Variants in ZNF789 observed in about 807,000 individuals in gnomAD.
ZNF789 encodes the protein zinc finger protein 789.
ZNF789 carries 11 observed loss-of-function variants against 15.6 expected under a neutral mutation model. The observed-to-expected ratio is 0.70, with a 90% confidence interval of 0.44 to 1.16. ZNF789 has a LOEUF of 1.16. Ranked by LOEUF, ZNF789 falls within the 50% of genes most tolerant of loss-of-function variation. ZNF789 has a pLI of 0.00. For synonymous variants in ZNF789, 159 were observed against 176.0 expected, an observed-to-expected ratio of 0.90 and a Z score of 0.76; for missense variants, 461 against 512.6, an observed-to-expected ratio of 0.90 and a Z score of 0.97.
At chr7:99,480,012 T>C (rs766082505) in intron 3 of ZNF789, 6 of 530,590 alleles carry the variant, frequency 1.1e-5, no homozygotes, top group African/African-American at 2.0e-5. Flanking sequence ...GGTGTGCATA[T>C]CTGTATACCC....
chr7:99,486,830 G>T lies in ZNF789; in HGVS notation c.620G>T (p.Gly207Val), dbSNP rs777414066. 1.9e-6 allele frequency: 3 copies of T among 1,614,196 alleles called. No homozygotes were observed. The Admixed American group carries it at 5.0e-5, about 27-fold the overall frequency. ...RAKSYECSEC[G>V]KVIRRKAWFD... ...AAGTCTTATGAATGCAGTGAATGTG[G>T]AAAAGTCATTAGGCGTAAGGCATGG... The change falls in exon 5 of 5, where the codon GGA becomes GTA. Residue 207 changes from glycine (G) to valine (V), a missense_variant. Physicochemically the swap from Gly to Val is moderately radical, Grantham distance 109. Transcript: ENST00000331410.
chr7:99,480,935 T>A (rs2151062280), intron 3 of ZNF789: 1 of 152,388 alleles, frequency 6.6e-6, no homozygotes, highest in East Asian at 1.9e-4. Flanking sequence ...TTTATAATTT[T>A]AATTTTCCCT....
chr7:99,483,932 C>T, intron 3 of ZNF789, 98 bp from the exon 4 acceptor site: 1 of 944,902 alleles, frequency 1.1e-6, no homozygotes, highest in South Asian at 1.3e-5. Context: ...CTCACCACCG[C>T]TTTTGATTAT....
chr7:99,474,462 C>T (rs1471579308), intron 1 of ZNF789, among the ~76,000 whole-genome samples: 3 of 151,822 alleles, frequency 2.0e-5, no homozygotes, highest in Admixed American at 6.6e-5. Context: ...GGCGTGGTGG[C>T]GGGCGCCTGT....
At position 99,484,448 on chromosome 7, in the gene ZNF789, C is replaced by T. The variant is rs141885177; in HGVS notation, c.265+305C>T. Among the ~76,000 whole-genome samples the T allele has an allele frequency of 4.4e-3, 670 of 152,230 alleles. 2 individuals are homozygous for T. Among genetic ancestry groups the T allele is most frequent in the African/African-American group, 0.015 (638 of 41,536 alleles). On this transcript the variant is annotated intron_variant, in intron 4 of 4. Coordinates refer to ENST00000331410, the MANE Select transcript of ZNF789 (RefSeq NM_213603.3). ...CAGCCTGGCCAACATGGTGAAACCCCGTCTCTACTGAAAATATAAAAATTA... is the reference window on the plus strand; with the variant it reads ...CAGCCTGGCCAACATGGTGAAACCCTGTCTCTACTGAAAATATAAAAATTA...
At chr7:99,484,758 ATC>A (rs1387053620) in intron 4 of ZNF789, among the ~76,000 whole-genome samples, 1 of 151,786 alleles carries the variant, frequency 6.6e-6, no homozygotes, top group East Asian at 1.9e-4. Flanking sequence ...GTGAAACCCC[ATC>A]TCTACAAAAA....
intron 2 of ZNF789, chr7:99,478,140 C>T (rs2151056337): frequency 2.2e-6 from 1 of 450,616 alleles, no homozygotes; most frequent in Non-Finnish European, 3.7e-6. Context: ...TATTCAAGGA[C>T]CTGCTGCTGT....
intron 4 of ZNF789, among the ~76,000 whole-genome samples, chr7:99,485,988 G>C (rs187154971): frequency 2.6e-5 from 4 of 152,262 alleles, no homozygotes; most frequent in Admixed American, 2.0e-4. Flanking sequence ...GGTGCCGAGA[G>C]CTGTTTTTGT....
intron 1 of ZNF789, chr7:99,476,153 T>G: frequency 2.7e-6 from 1 of 373,888 alleles, no homozygotes; most frequent in South Asian, 3.2e-5. Context: ...GTATATGAGG[T>G]GCAGAGTATG....
At chr7:99,484,500 A>G (rs2151069477) in intron 4 of ZNF789, among the ~76,000 whole-genome samples, 1 of 152,234 alleles carries the variant, frequency 6.6e-6, no homozygotes, top group Non-Finnish European at 1.5e-5. Context: ...TGTGCCTGTA[A>G]TCCCAGCTAC....
intron 4 of ZNF789, chr7:99,485,192 C>T (rs1280159569): frequency 6.5e-7 from 1 of 1,535,876 alleles, no homozygotes; most frequent in African/African-American, 1.4e-5. Flanking sequence ...TTTCTACTTA[C>T]TGTGTCCCGA....
rs769478005 is a variant in ZNF789 at position 99,486,671 on chromosome 7, T to A, written c.461T>A (p.Phe154Tyr). ...PTSGDEYSRG[F>Y]LQNLNLIQDQ... The stretch of plus-strand genomic sequence containing the variant: ...AGTGGTGATGAATACAGCAGGGGCT[T>A]CCTTCAAAACCTTAACCTTATTCAA... Residue 154 changes from phenylalanine (F) to tyrosine (Y), a missense_variant, in exon 5 of 5, where the codon TTC becomes TAC. Coordinates refer to ENST00000331410, the MANE Select transcript of ZNF789 (RefSeq NM_213603.3). 1.2e-6 allele frequency: 2 copies of A among 1,614,202 alleles called. No homozygotes were observed. The highest frequency in any genetic ancestry group is 1.7e-6 in the Non-Finnish European group (2 of 1,180,038).
intron 3 of ZNF789, chr7:99,483,617 C>CT: frequency 1.4e-6 from 1 of 705,496 alleles, no homozygotes; most frequent in South Asian, 1.5e-5. Flanking sequence ...GAGCAAGACT[C>CT]TGTCTCAAAA....
Position 99,481,463 on chromosome 7 carries a change from CT to C in ZNF789, c.151+1687del, listed in dbSNP as rs899232215. On this transcript the variant is annotated intron_variant, in intron 3 of 4. Transcript: ENST00000331410. ...CCAATAGTAACATTTTAGAGTGCTT[CT>C]TTTTTTTTTTGAGACAGAGTTTCGC... is the stretch of plus-strand genomic sequence containing the variant. 4.5e-3 allele frequency: 659 copies of C among 146,940 alleles called. 11 individuals are homozygous for C. The highest frequency in any genetic ancestry group is 0.013 in the African/African-American group (520 of 40,350). 9.1% of individuals were successfully genotyped at this position (146,940 alleles called of 1,614,324 possible).
Position 99,487,144 on chromosome 7 carries a change from C to T in ZNF789, c.934C>T (p.Arg312Cys), listed in dbSNP as rs751182610. 1.1e-5 allele frequency: 18 copies of T among 1,614,138 alleles called. No homozygotes were observed. Among genetic ancestry groups the T allele is most frequent in the South Asian group, 5.5e-5 (5 of 91,084 alleles). The change falls in exon 5 of 5, where the codon CGC (arginine) becomes TGC (cysteine). Residue 312 changes from arginine (R) to cysteine (C), a missense_variant. Coordinates refer to ENST00000331410, the MANE Select transcript of ZNF789 (RefSeq NM_213603.3). ...TCAGGTGATCCATAGTGGAGAAAAA[C>T]GCCATAAATGCCTTGAGTGTGGAAA... ...RHQVIHSGEK[R>C]HKCLECGKAF... is the part of the protein sequence containing the mutation.
chr7:99,479,896 G>A, intron 3 of ZNF789, 109 bp downstream of exon 3: 2 of 1,438,278 alleles, frequency 1.4e-6, no homozygotes, highest in South Asian at 3.0e-5. Context: ...AAAACCGAAA[G>A]GTTTTTTTAT....
intron 4 of ZNF789, 82 bp from the exon 5 acceptor site, chr7:99,486,388 TGTCCTA>T (rs1799953459): frequency 1.2e-5 from 15 of 1,246,556 alleles, no homozygotes; most frequent in Non-Finnish European, 1.6e-5. Context: ...TTCATTTGAT[TGTCCTA>T]GACCCCTAAC....
chr7:99,474,789 TCCACCCTGGGCAACATAGCAAGGCC>T (rs1799226391), intron 1 of ZNF789, among the ~76,000 whole-genome samples: 1 of 151,656 alleles, frequency 6.6e-6, no homozygotes, highest in African/African-American at 2.4e-5. Context: ...AGGCAGAGGG[TCCACCCTGGGCAACATAGCAAGGCC>T]CCACCTACAA....
chr7:99,483,614 ACT>A (rs901476914), intron 3 of ZNF789: 48 of 700,384 alleles, frequency 6.9e-5, no homozygotes, highest in Middle Eastern at 4.7e-4. Context: ...ACAGAGCAAG[ACT>A]CTGTCTCAAA....
Sources: gnomAD v4.1 joint callset for allele counts (sites outside exome capture counted in the v4.1 genomes callset) on GRCh38, gnomAD v4.1.1 for gene constraint, MANE v1.5 for transcripts, NCBI Gene and HGNC (gene_info 2026-07-23, HGNC 2026-07-21) for gene names.